The following CRPPA variants were observed in gnomAD, a reference collection of about 807,000 sequenced individuals.
CRPPA encodes the protein CDP-L-ribitol pyrophosphorylase A, also known as D-ribitol-5-phosphate cytidylyltransferase.
Under a neutral mutation model 52.0 loss-of-function variants are expected in CRPPA, and 43 were observed. The observed-to-expected ratio is 0.83, with a 90% confidence interval of 0.65 to 1.07. The LOEUF (loss-of-function observed/expected upper bound fraction) is 1.07, where lower values mean the gene tolerates loss of function less well. CRPPA is among the 50% of genes least tolerant of loss of function. The pLI is 0.00. For missense variants in CRPPA, 629 were observed against 551.7 expected, an observed-to-expected ratio of 1.14 and a Z score of -1.40; for synonymous variants, 250 against 203.5, an observed-to-expected ratio of 1.23 and a Z score of -1.94.
At chr7:16,412,979 C>T (rs1788107008) in intron 1 of CRPPA, among the ~76,000 whole-genome samples, 1 of 152,134 alleles carries the variant, frequency 6.6e-6, no homozygotes. Context: ...TTAACAAATG[C>T]TTTATGAAAC....
chr7:16,252,376 T>A (rs1783483062), intron 8 of CRPPA, among the ~76,000 whole-genome samples: 1 of 152,176 alleles, frequency 6.6e-6, no homozygotes, highest in Non-Finnish European at 1.5e-5. Context: ...AAACTCTCAA[T>A]AAACTAAGTA....
chr7:16,276,928 A>G (rs949854825), intron 6 of CRPPA: 3 of 152,210 alleles, frequency 2.0e-5, no homozygotes, highest in African/African-American at 7.2e-5. Flanking sequence ...CAACTCATGT[A>G]TCCAGTACAG....
intron 6 of CRPPA, among the ~76,000 whole-genome samples, chr7:16,266,557 C>A (rs866405958): frequency 6.6e-6 from 1 of 151,516 alleles, no homozygotes; most frequent in Non-Finnish European, 1.5e-5. Flanking sequence ...TGGCTCACTG[C>A]AACCTCTGCC....
intron 9 of CRPPA, among the ~76,000 whole-genome samples, chr7:16,095,680 T>C (rs1229426523): frequency 1.3e-5 from 2 of 152,116 alleles, no homozygotes; most frequent in Non-Finnish European, 2.9e-5. Flanking sequence ...TTTTTTCCAA[T>C]CTACAAAGAA....
At chr7:16,313,551 C>T (rs1218113858) in intron 3 of CRPPA, among the ~76,000 whole-genome samples, 1 of 151,816 alleles carries the variant, frequency 6.6e-6, no homozygotes, top group Non-Finnish European at 1.5e-5. Context: ...ATTTCTGCTC[C>T]AATTTTTATT....
intron 4 of CRPPA, among the ~76,000 whole-genome samples, chr7:16,303,793 C>T (rs1784846239): frequency 6.6e-6 from 1 of 152,096 alleles, no homozygotes; most frequent in Admixed American, 6.6e-5. Flanking sequence ...ATAGAGACTA[C>T]TTTGTTTCTT....
chr7:16,360,161 G>C (rs759410108), intron 3 of CRPPA, among the ~76,000 whole-genome samples: 3 of 152,160 alleles, frequency 2.0e-5, no homozygotes, highest in Non-Finnish European at 2.9e-5. Context: ...GTATTTTTTA[G>C]AAAGTAGTAT....
intron 9 of CRPPA, among the ~76,000 whole-genome samples, chr7:16,099,918 C>G (rs982061515): frequency 6.6e-6 from 1 of 152,164 alleles, no homozygotes; most frequent in Non-Finnish European, 1.5e-5. Flanking sequence ...TTGTCATGCT[C>G]CAACCACTGT....
chr7:16,326,999 T>C (rs1385097636), intron 3 of CRPPA, among the ~76,000 whole-genome samples: 2 of 152,186 alleles, frequency 1.3e-5, no homozygotes, highest in Non-Finnish European at 2.9e-5. Context: ...CTTACCATCT[T>C]TCCATGTTAG....
chr7:16,377,950 C>T (rs10252363), intron 2 of CRPPA, among the ~76,000 whole-genome samples: 24,697 of 151,982 alleles, frequency 0.16, 2,956 homozygotes, highest in African/African-American at 0.34. Flanking sequence ...CTCACACATA[C>T]GGCAGTTTTC....
rs564896730 is a variant in CRPPA, at chr7:16,296,641, A to G, written c.835+4780T>C. 4.5e-4 allele frequency among the ~76,000 whole-genome samples: 68 copies of G among 152,306 alleles called. 1 individual carries two copies. Among genetic ancestry groups the G allele is most frequent in the African/African-American group, 1.5e-3 (61 of 41,584 alleles). The stretch of plus-strand genomic sequence containing the variant: ...CTCATCACAGAACAAAAAAAGTTCC[A>G]TCCTAGAAAGGAAATCTGTTATGTC... On this transcript the variant is annotated intron_variant, in intron 5 of 9. Coordinates refer to ENST00000407010, the MANE Select transcript of CRPPA (RefSeq NM_001101426.4).
chr7:16,291,170 G>A (rs548166635), intron 5 of CRPPA, among the ~76,000 whole-genome samples: 3 of 152,000 alleles, frequency 2.0e-5, no homozygotes, highest in Non-Finnish European at 4.4e-5. Context: ...ACTCTTATAC[G>A]CTGCTAGTGG....
intron 9 of CRPPA, among the ~76,000 whole-genome samples, chr7:16,113,277 A>T (rs999786314): frequency 6.6e-6 from 1 of 152,084 alleles, no homozygotes; most frequent in African/African-American, 2.4e-5. Context: ...AATTACTCAG[A>T]ATATATATTA....
At chr7:16,280,174 C>T (rs564783654) in intron 5 of CRPPA, among the ~76,000 whole-genome samples, 2 of 152,208 alleles carry the variant, frequency 1.3e-5, no homozygotes, top group Non-Finnish European at 2.9e-5. Flanking sequence ...TGGGTGGGGA[C>T]ACAGCCAAAC....
intron 8 of CRPPA, among the ~76,000 whole-genome samples, chr7:16,249,745 A>G (rs1230914950): frequency 6.6e-6 from 1 of 152,218 alleles, no homozygotes; most frequent in Non-Finnish European, 1.5e-5. Flanking sequence ...TCAAAGACCA[A>G]AGGTAGATAA....
intron 9 of CRPPA, among the ~76,000 whole-genome samples, chr7:16,180,983 C>T (rs1305194322): frequency 6.6e-6 from 1 of 151,792 alleles, no homozygotes; most frequent in African/African-American, 2.4e-5. Flanking sequence ...GAATGGCAAA[C>T]AGATGTGATA....
At chr7:16,212,561 A>G (rs1209324072) in intron 9 of CRPPA, among the ~76,000 whole-genome samples, 4 of 152,208 alleles carry the variant, frequency 2.6e-5, no homozygotes, top group Non-Finnish European at 5.9e-5. Context: ...CCAGGAAAAG[A>G]AAGGAAATAA....
intron 1 of CRPPA, among the ~76,000 whole-genome samples, chr7:16,414,167 G>A (rs1451224741): frequency 6.6e-6 from 1 of 152,096 alleles, no homozygotes. Flanking sequence ...AAAACCTCAT[G>A]AACTATGAGG....
chr7:16,210,198 T>A (rs1782093403), intron 9 of CRPPA, among the ~76,000 whole-genome samples: 1 of 152,242 alleles, frequency 6.6e-6, no homozygotes, highest in Admixed American at 6.5e-5. Flanking sequence ...TGCTTTTTTA[T>A]ATTTAAACAT....
Sources: gnomAD v4.1 joint callset for allele counts (sites outside exome capture counted in the v4.1 genomes callset) on GRCh38, gnomAD v4.1.1 for gene constraint, MANE v1.5 for transcripts, NCBI Gene and HGNC (gene_info 2026-07-23, HGNC 2026-07-21) for gene names.